The following MCF2L2 variants were observed in gnomAD, a reference collection of about 807,000 sequenced individuals.
MCF2L2 encodes probable guanine nucleotide exchange factor MCF2L2.
In MCF2L2, 102 loss-of-function variants were observed where a neutral mutation model predicts 150.2. The ratio of observed to expected loss-of-function variants is 0.68; its 90% confidence interval spans 0.58 to 0.80. MCF2L2 has a LOEUF of 0.80. MCF2L2 is among the 30% of genes least tolerant of loss of function. The probability of loss-of-function intolerance (pLI) is 0.00; values close to 1 mark genes in which losing one functional copy is unlikely to be tolerated. For synonymous variants in MCF2L2, 465 were observed against 491.3 expected (o/e 0.95, Z 0.71); for missense variants, 1,256 against 1,372.8 (o/e 0.91, Z 1.34).
chr3:183,311,885 C>T (rs1729394593), intron 7 of MCF2L2, 113 bp from the exon 8 acceptor site: 1 of 911,016 alleles, frequency 1.1e-6, no homozygotes, highest in African/African-American at 1.7e-5. Flanking sequence ...AAATTAAATG[C>T]TGATGAAGTC....
At chr3:183,180,199 G>GTCCTCCCACCCCAC in intron 27 of MCF2L2, 40 bp from the exon 28 acceptor site, 1 of 1,321,072 alleles carries the variant, frequency 7.6e-7, no homozygotes. Flanking sequence ...TCTGTGGGGT[G>GTCCTCCCACCCCAC]GGAGGACATC....
chr3:183,289,281 G>A, intron 13 of MCF2L2, 61 bp from the exon 14 acceptor site: 1 of 1,144,862 alleles, frequency 8.7e-7, no homozygotes, highest in South Asian at 1.3e-5. Flanking sequence ...AGTGCACTTT[G>A]TCTGATTTGG....
intron 4 of MCF2L2, among the ~76,000 whole-genome samples, chr3:183,340,897 T>C (rs960265770): frequency 1.3e-5 from 2 of 152,148 alleles, no homozygotes; most frequent in African/African-American, 4.8e-5. Flanking sequence ...CAGCTGAGAT[T>C]GCGCCACTGC....
chr3:183,179,501 G>A lies in MCF2L2; in HGVS notation c.3224C>T (p.Ala1075Val). The change falls in exon 30 of 30, where the codon GCG becomes GTG. Residue 1075 changes from alanine to valine, a missense_variant and splice_region_variant. Coordinates refer to ENST00000328913, the MANE Select transcript of MCF2L2 (RefSeq NM_015078.4). This position sits in a 1 kb window ranked among gnomAD's most constrained non-coding sequence, Gnocchi z 4.2. ...GCGCTCCTCCTCGGTGCTGCGGGTC[G>A]CCCTGCAATTCCGAGAAGAAAGTCA... ...EKEERDEEET[A>V]TRSTEEERAG... 6.2e-7 allele frequency: 1 copy of A among 1,609,560 alleles called. No individual in the cohort carries two copies. Among genetic ancestry groups the A allele is most frequent in the Non-Finnish European group, 8.5e-7 (1 of 1,177,226 alleles).
intron 14 of MCF2L2, among the ~76,000 whole-genome samples, chr3:183,281,197 G>C (rs1727456246): frequency 6.6e-6 from 1 of 152,134 alleles, no homozygotes; most frequent in African/African-American, 2.4e-5. Flanking sequence ...ATGCAGGGGA[G>C]AAGGGTGAGA....
intron 1 of MCF2L2, among the ~76,000 whole-genome samples, chr3:183,427,037 G>A (rs879294196): frequency 8.5e-5 from 13 of 152,206 alleles, no homozygotes; most frequent in Admixed American, 3.9e-4. Flanking sequence ...AATAAAAGCT[G>A]ATTTGCATTC....
chr3:183,425,009 C>T (rs1054934335), intron 1 of MCF2L2, among the ~76,000 whole-genome samples: 1 of 151,982 alleles, frequency 6.6e-6, no homozygotes, highest in African/African-American at 2.4e-5. Flanking sequence ...TGACTAGGTG[C>T]AGGTATTATT....
At chr3:183,402,423 C>T (rs1255552656) in intron 1 of MCF2L2, among the ~76,000 whole-genome samples, 1 of 136,624 alleles carries the variant, frequency 7.3e-6, no homozygotes, top group African/African-American at 2.7e-5. Flanking sequence ...CACTGCATTC[C>T]AGCCTGGGCT....
intron 15 of MCF2L2, among the ~76,000 whole-genome samples, chr3:183,249,039 A>G (rs1263643224): frequency 6.6e-6 from 1 of 152,070 alleles, no homozygotes; most frequent in African/African-American, 2.4e-5. Flanking sequence ...CAGGACACAA[A>G]TTGTTTTGCT....
intron 14 of MCF2L2, among the ~76,000 whole-genome samples, chr3:183,278,329 T>C (rs1196679630): frequency 1.3e-5 from 2 of 151,016 alleles, no homozygotes; most frequent in Non-Finnish European, 3.0e-5. Context: ...TTCTTGTGAG[T>C]TGTGGTCAGG....
chr3:183,362,697 A>ATACAT (rs895718096), intron 3 of MCF2L2, among the ~76,000 whole-genome samples: 1 of 152,152 alleles, frequency 6.6e-6, no homozygotes, highest in African/African-American at 2.4e-5. Context: ...CTATGTTTAG[A>ATACAT]TACACTAACA....
At chr3:183,302,342 G>A (rs1284965868) in intron 10 of MCF2L2, among the ~76,000 whole-genome samples, 2 of 152,104 alleles carry the variant, frequency 1.3e-5, no homozygotes, top group African/African-American at 2.4e-5. Flanking sequence ...TCTTGGGAGC[G>A]CTCTGCATAC....
intron 10 of MCF2L2, among the ~76,000 whole-genome samples, 197 bp from the exon 11 acceptor site, chr3:183,300,393 GAAC>G (rs1374056768): frequency 6.6e-6 from 1 of 152,186 alleles, no homozygotes; most frequent in African/African-American, 2.4e-5. Flanking sequence ...TCCACATGCT[GAAC>G]AACAGCAGTC....
intron 15 of MCF2L2, among the ~76,000 whole-genome samples, chr3:183,268,790 G>A (rs190287068): frequency 4.7e-4 from 71 of 152,252 alleles, no homozygotes; most frequent in Non-Finnish European, 8.7e-4. Context: ...TGGCTAAGGC[G>A]GCATTGGTGT....
In MCF2L2 at chr3:183,303,577, C is replaced by A. The variant is rs569598790; in HGVS notation, c.1114-3381G>T. ...CAATTTCCAAACCCCTTTCCTCTTA[C>A]CCTCCCAGTCATTCACGAAGCCCCG... On this transcript the variant is annotated intron_variant, in intron 10 of 29. Coordinates refer to ENST00000328913, the MANE Select transcript of MCF2L2 (RefSeq NM_015078.4). Among the ~76,000 whole-genome samples, 3 of 152,332 alleles carry A rather than the reference C, an allele frequency of 2.0e-5. No individual in the cohort carries two copies. In the South Asian group the frequency reaches 6.2e-4, roughly 32 times the overall value.
intron 1 of MCF2L2, among the ~76,000 whole-genome samples, chr3:183,427,356 T>C (rs767888141): frequency 1.3e-4 from 20 of 152,166 alleles, no homozygotes; most frequent in Non-Finnish European, 2.4e-4. Context: ...CTTGCAGAGA[T>C]TTCTCGCGGG....
intron 23 of MCF2L2, among the ~76,000 whole-genome samples, chr3:183,206,793 G>A (rs892334494): frequency 7.9e-5 from 12 of 152,064 alleles, no homozygotes; most frequent in African/African-American, 2.4e-4. Context: ...GCTTGAACCC[G>A]GGAGGTGGAG....
chr3:183,243,520 G>T (rs1482723193), intron 15 of MCF2L2, among the ~76,000 whole-genome samples: 1 of 152,186 alleles, frequency 6.6e-6, no homozygotes, highest in Non-Finnish European at 1.5e-5. Context: ...AATCTTAGAA[G>T]ATTTGAGGCT....
chr3:183,389,050 A>T (rs943195714), intron 2 of MCF2L2, among the ~76,000 whole-genome samples: 2 of 152,180 alleles, frequency 1.3e-5, no homozygotes, highest in East Asian at 3.8e-4. Flanking sequence ...CATTCTCCTA[A>T]GTTGGGTCTA....
Sources: allele counts gnomAD v4.1 joint callset (sites outside exome capture counted in the v4.1 genomes callset), GRCh38; gene constraint gnomAD v4.1.1; non-coding constraint Gnocchi (gnomAD v3.1); transcripts MANE v1.5; gene names NCBI Gene and HGNC (gene_info 2026-07-23, HGNC 2026-07-21).